Variants in HPSE2 observed in about 807,000 individuals in gnomAD.
HPSE2 encodes inactive heparanase-2.
HPSE2 carries 38 observed loss-of-function variants against 60.5 expected under a neutral mutation model. The ratio of observed to expected loss-of-function variants is 0.63; its 90% CI spans 0.48 to 0.82. The LOEUF is 0.82. Ranked by LOEUF, HPSE2 falls within the 40% of genes least tolerant of loss-of-function variation. The pLI is 0.00. For missense variants in HPSE2, 713 were observed against 740.4 expected (o/e 0.96, Z 0.43); for synonymous variants, 295 against 293.2 (o/e 1.01, Z -0.06).
At chr10:99,111,515 A>C (rs1844461739) in intron 3 of HPSE2, among the ~76,000 whole-genome samples, 1 of 152,188 alleles carries the variant, frequency 6.6e-6, no homozygotes, top group South Asian at 2.1e-4. Flanking sequence ...AGAGAAATGA[A>C]GAAAAAGAAC....
intron 3 of HPSE2, among the ~76,000 whole-genome samples, chr10:98,944,074 G>A (rs1022074783): frequency 6.6e-6 from 1 of 152,176 alleles, no homozygotes; most frequent in African/African-American, 2.4e-5. Flanking sequence ...AAATCCCAGA[G>A]AGGGAGCAGC....
intron 3 of HPSE2, among the ~76,000 whole-genome samples, chr10:98,933,310 T>C (rs1179061454): frequency 6.9e-6 from 1 of 144,372 alleles, no homozygotes; most frequent in Non-Finnish European, 1.5e-5. Context: ...TTAATTTGAC[T>C]GCACTGTGGT....
intron 3 of HPSE2, among the ~76,000 whole-genome samples, chr10:98,850,433 G>A (rs1398881605): frequency 6.6e-6 from 1 of 152,080 alleles, no homozygotes; most frequent in Non-Finnish European, 1.5e-5. Context: ...AGGTATTATA[G>A]TGAGTTAAAA....
chr10:98,899,015 C>CTTAT (rs1953581092), intron 3 of HPSE2, among the ~76,000 whole-genome samples: 1 of 152,088 alleles, frequency 6.6e-6, no homozygotes, highest in Non-Finnish European at 1.5e-5. Context: ...AAATGCAAAA[C>CTTAT]ATAAAACTCC....
chr10:98,644,204 A>G (rs1340044791), intron 6 of HPSE2, among the ~76,000 whole-genome samples: 1 of 152,202 alleles, frequency 6.6e-6, no homozygotes, highest in Non-Finnish European at 1.5e-5. Flanking sequence ...ACCCAAATCT[A>G]CAATATTTTC....
At chr10:98,771,727 G>C (rs2134422023) in intron 3 of HPSE2, among the ~76,000 whole-genome samples, 1 of 152,296 alleles carries the variant, frequency 6.6e-6, no homozygotes, top group South Asian at 2.1e-4. Flanking sequence ...TTACTCTCTT[G>C]AGATGTGGGA....
At chr10:98,949,593 C>T (rs1018640720) in intron 3 of HPSE2, among the ~76,000 whole-genome samples, 11 of 152,186 alleles carry the variant, frequency 7.2e-5, no homozygotes, top group Middle Eastern at 3.4e-3. Flanking sequence ...AATTCCTGAG[C>T]CTCAATTGCA....
intron 3 of HPSE2, among the ~76,000 whole-genome samples, chr10:98,880,032 G>A (rs1952981895): frequency 6.6e-6 from 1 of 151,954 alleles, no homozygotes; most frequent in African/African-American, 2.4e-5. Context: ...CAGTGCAGCT[G>A]GAGGCATGTC....
intron 9 of HPSE2, among the ~76,000 whole-genome samples, chr10:98,528,889 A>G (rs544329806): frequency 6.6e-6 from 1 of 152,350 alleles, no homozygotes; most frequent in Non-Finnish European, 1.5e-5. Flanking sequence ...CACTCATAGC[A>G]AACCTCAGTC....
intron 6 of HPSE2, among the ~76,000 whole-genome samples, chr10:98,656,598 A>G (rs1374121583): frequency 6.6e-6 from 1 of 152,158 alleles, no homozygotes; most frequent in African/African-American, 2.4e-5. Flanking sequence ...ATAAGAATTT[A>G]TATCAAGGCT....
At chr10:99,037,584 G>A (rs959408477) in intron 3 of HPSE2, among the ~76,000 whole-genome samples, 1 of 151,852 alleles carries the variant, frequency 6.6e-6, no homozygotes, top group South Asian at 2.1e-4. Flanking sequence ...ATACATATAT[G>A]TACATAATAT....
chr10:98,592,768 T>C (rs1945125134), intron 9 of HPSE2, among the ~76,000 whole-genome samples: 1 of 152,224 alleles, frequency 6.6e-6, no homozygotes, highest in Non-Finnish European at 1.5e-5. Flanking sequence ...TTCAAATTCC[T>C]TCTTGCGTTT....
At chr10:99,203,585 T>G (rs772747498) in intron 2 of HPSE2, among the ~76,000 whole-genome samples, 10 of 151,236 alleles carry the variant, frequency 6.6e-5, no homozygotes, top group African/African-American at 2.4e-4. Context: ...TCCAGGCCCA[T>G]CCCAACAGAC....
intron 3 of HPSE2, among the ~76,000 whole-genome samples, chr10:99,030,310 A>C (rs1589544760): frequency 2.6e-5 from 4 of 152,328 alleles, no homozygotes; most frequent in Non-Finnish European, 5.9e-5. Flanking sequence ...TGCTGCCCAC[A>C]AATCCAATCA....
In HPSE2 at chr10:99,132,034, C is replaced by T. The variant is rs559165935; in HGVS notation, c.610+12204G>A. On this transcript the variant is annotated intron_variant, in intron 3 of 11. Coordinates refer to ENST00000370552, the MANE Select transcript of HPSE2 (RefSeq NM_021828.5). Reference sequence around the variant, plus strand: ...GGCTGAAGCAAGAGAATCACTTGAACCTGGGAGGCAGAGGTTGCAGAGAGC... The same window carrying T: ...GGCTGAAGCAAGAGAATCACTTGAATCTGGGAGGCAGAGGTTGCAGAGAGC... Among the ~76,000 whole-genome samples the T allele has an allele frequency of 3.3e-5, 5 of 151,480 alleles. No individual in the cohort carries two copies. In the South Asian group the frequency reaches 8.4e-4, roughly 25 times the overall value.
At chr10:99,171,467 G>T (rs1224470475) in intron 2 of HPSE2, among the ~76,000 whole-genome samples, 2 of 152,110 alleles carry the variant, frequency 1.3e-5, no homozygotes, top group African/African-American at 4.8e-5. Flanking sequence ...TGAAGAGATG[G>T]ATGTAGCTCT....
chr10:98,986,433 T>C (rs1216078465), intron 3 of HPSE2, among the ~76,000 whole-genome samples: 1 of 151,162 alleles, frequency 6.6e-6, no homozygotes, highest in African/African-American at 2.4e-5. Flanking sequence ...AAAGATGTTC[T>C]TTGAAACCAA....
At chr10:98,949,112 C>T (rs893434028) in intron 3 of HPSE2, among the ~76,000 whole-genome samples, 4 of 152,008 alleles carry the variant, frequency 2.6e-5, no homozygotes, top group African/African-American at 9.7e-5. Flanking sequence ...TTTAGACACA[C>T]AGATAAGACT....
At chr10:98,907,310 A>G (rs1483995337) in intron 3 of HPSE2, among the ~76,000 whole-genome samples, 5 of 152,072 alleles carry the variant, frequency 3.3e-5, no homozygotes, top group Non-Finnish European at 7.4e-5. Context: ...AGTAATCAAT[A>G]TATGAAATCT....
Sources: allele counts gnomAD v4.1 joint callset (sites outside exome capture counted in the v4.1 genomes callset), GRCh38; gene constraint gnomAD v4.1.1; transcripts MANE v1.5; gene names NCBI Gene and HGNC (gene_info 2026-07-23, HGNC 2026-07-21).